The following HSDL1 variants were observed in gnomAD, a reference collection of about 807,000 sequenced individuals.
HSDL1 encodes the protein hydroxysteroid dehydrogenase like 1.
In HSDL1, 29 loss-of-function variants were observed where a neutral mutation model predicts 31.5. The ratio of observed to expected loss-of-function variants is 0.92; its 90% CI spans 0.69 to 1.26. The LOEUF is 1.26. Ranked by LOEUF, HSDL1 falls within the 50% of genes most tolerant of loss-of-function variation. The probability of loss-of-function intolerance (pLI) is 0.00; values close to 1 mark genes in which losing one functional copy is unlikely to be tolerated. For synonymous variants in HSDL1, 222 were observed against 155.2 expected, an observed-to-expected ratio of 1.43 and a Z score of -3.20; for missense variants, 503 against 416.6, an observed-to-expected ratio of 1.21 and a Z score of -1.81.
intron 5 of HSDL1, among the ~76,000 whole-genome samples, chr16:84,126,165 G>A (rs977155398): frequency 2.0e-5 from 3 of 151,648 alleles, no homozygotes; most frequent in East Asian, 1.9e-4. Flanking sequence ...ACAGACAGAC[G>A]CATACGTGGT....
chr16:84,138,842 T>G (rs932710775), intron 1 of HSDL1, among the ~76,000 whole-genome samples: 3 of 152,190 alleles, frequency 2.0e-5, no homozygotes, highest in Non-Finnish European at 4.4e-5. Flanking sequence ...GGGACAATTA[T>G]GGTCAAAACT....
chr16:84,142,499 G>T (rs547028677), intron 1 of HSDL1, among the ~76,000 whole-genome samples: 1 of 133,244 alleles, frequency 7.5e-6, no homozygotes, highest in Non-Finnish European at 1.5e-5. Context: ...GCAATGGCGC[G>T]ATCTTAGCTC....
chr16:84,139,671 T>C (rs2086747189), intron 1 of HSDL1, among the ~76,000 whole-genome samples: 1 of 152,186 alleles, frequency 6.6e-6, no homozygotes, highest in South Asian at 2.1e-4. Context: ...AAGGGATGGA[T>C]GAACAGTCAG....
chr16:84,124,696 G>A lies in HSDL1; in HGVS notation c.927C>T (p.Leu309=). The A allele has an allele frequency of 6.2e-7, 1 of 1,613,758 alleles. No homozygotes were observed. The highest frequency in any genetic ancestry group is 8.5e-7 in the Non-Finnish European group (1 of 1,179,670). ...FLFAQYMPEW[L]WVWGANILNR... is the part of the protein sequence containing the mutation. ...TGAGAATATTTGCTCCCCACACCCA[G>A]AGCCATTCAGGCATATACTGTGCAA... Residue 309 remains leucine (L), a synonymous_variant, in exon 6 of 6, where the codon CTC becomes CTT. Transcript: ENST00000219439.
intron 1 of HSDL1, among the ~76,000 whole-genome samples, chr16:84,141,789 T>G (rs1451369638): frequency 6.6e-6 from 1 of 152,234 alleles, no homozygotes; most frequent in East Asian, 1.9e-4. Flanking sequence ...TTTCTGTGTT[T>G]TGTAATCTAT....
At chr16:84,127,962 G>T (rs1448818911) in intron 5 of HSDL1, among the ~76,000 whole-genome samples, 1 of 149,198 alleles carries the variant, frequency 6.7e-6, no homozygotes, top group Non-Finnish European at 1.5e-5. Context: ...CTCGTGATCC[G>T]CCCGCCTTGG....
At position 84,129,743 on chromosome 16, in the gene HSDL1, T is replaced by C. The variant is rs370996550; in HGVS notation, c.699A>G (p.Gln233=). The C allele has an allele frequency of 9.3e-6, 15 of 1,614,064 alleles. No individual in the cohort carries two copies. Among genetic ancestry groups the C allele is most frequent in the Non-Finnish European group, 1.2e-5 (14 of 1,179,990 alleles). ...AGATTCCTTTAGAGGCATATTCATA[T>C]TGCAAGGCTCTGCTGAAGTGGTCTA... is the stretch of plus-strand genomic sequence containing the variant. ...AYLDHFSRAL[Q]YEYASKGIFV... Residue 233 remains glutamine (Q), a synonymous_variant, in exon 5 of 6, where the codon CAA becomes CAG. Coordinates refer to ENST00000219439, the MANE Select transcript of HSDL1 (RefSeq NM_031463.5).
intron 2 of HSDL1, among the ~76,000 whole-genome samples, chr16:84,134,718 G>A (rs1241383413): frequency 6.6e-6 from 1 of 152,146 alleles, no homozygotes; most frequent in Non-Finnish European, 1.5e-5. Context: ...GGTGCCTTTT[G>A]TCATAACTAA....
rs188996888 is a variant in HSDL1 at position 84,128,769 on chromosome 16, G to A, written c.894+779C>T. On this transcript the variant is annotated intron_variant, in intron 5 of 5. Transcript: ENST00000219439. ...GTCGCCTAGGCTGGAGTGCAGTAGCGTGATCTTGGCTCACTGCAACCTCCG... is the reference window on the plus strand; with the variant it reads ...GTCGCCTAGGCTGGAGTGCAGTAGCATGATCTTGGCTCACTGCAACCTCCG... Among the ~76,000 whole-genome samples the A allele has an allele frequency of 4.3e-3, 647 of 151,602 alleles. 4 individuals are homozygous for A. Among genetic ancestry groups the A allele is most frequent in the African/African-American group, 0.015 (610 of 41,304 alleles).
At chr16:84,126,216 G>C (rs932058121) in intron 5 of HSDL1, among the ~76,000 whole-genome samples, 1 of 152,084 alleles carries the variant, frequency 6.6e-6, no homozygotes, top group Non-Finnish European at 1.5e-5. Flanking sequence ...GGGTAGTATG[G>C]AACAAAGTTC....
intron 5 of HSDL1, among the ~76,000 whole-genome samples, chr16:84,127,312 T>A (rs952201485): frequency 2.7e-5 from 4 of 147,750 alleles, no homozygotes; most frequent in Non-Finnish European, 1.5e-5. Flanking sequence ...GCATCCTGGG[T>A]TCAAGCGATT....
rs1209089545 is a variant in HSDL1 at position 84,131,162 on chromosome 16, G to A, written c.160C>T (p.Pro54Ser). The change falls in exon 3 of 6, where the codon CCC (proline) becomes TCC (serine). Residue 54 changes from proline (P) to serine (S), a missense_variant. Transcript: ENST00000219439. ...FYSLIRLHFI[P>S]RLGSRADLIK... ...AAGTCTGCTCTGCTCCCCAGGCGGG[G>A]GATAAAATGCAGCCTGATCAGGCTG... is the stretch of plus-strand genomic sequence containing the variant. The A allele has an allele frequency of 6.2e-7, 1 of 1,614,156 alleles. No individual in the cohort carries two copies. Among genetic ancestry groups the A allele is most frequent in the Admixed American group, 1.7e-5 (1 of 60,032 alleles).
intron 2 of HSDL1, 135 bp from the exon 3 acceptor site, chr16:84,131,462 T>A (rs2086665044): frequency 1.6e-6 from 1 of 644,396 alleles, no homozygotes; most frequent in East Asian, 2.6e-5. Flanking sequence ...ACTTTTCAAA[T>A]GTACGTGGCT....
intron 1 of HSDL1, among the ~76,000 whole-genome samples, chr16:84,138,429 G>A (rs1041880230): frequency 1.3e-5 from 2 of 152,150 alleles, no homozygotes; most frequent in Non-Finnish European, 2.9e-5. Flanking sequence ...ATACCAAATT[G>A]TAGGCTTAAA....
rs776186248 is a variant in HSDL1, at chr16:84,130,150, C to T, written c.502G>A (p.Asp168Asn). 4.2e-5 allele frequency: 67 copies of T among 1,614,076 alleles called. No homozygotes were observed. In the Middle Eastern group the frequency reaches 4.9e-4, roughly 12 times the overall value. ...YPQYFTQLSE[D>N]KLWDIINVNI... Reference sequence around the variant, plus strand: ...ACATTTATGATGTCCCAGAGCTTGTCCTCGGACAGCTGAGTGAAATACTGC... The same window carrying T: ...ACATTTATGATGTCCCAGAGCTTGTTCTCGGACAGCTGAGTGAAATACTGC... The change falls in exon 4 of 6, where the codon GAC becomes AAC. Residue 168 changes from aspartate to asparagine, a missense_variant. Physicochemically the swap from Asp to Asn is conservative, Grantham distance 23. Coordinates refer to ENST00000219439, the MANE Select transcript of HSDL1 (RefSeq NM_031463.5).
Position 84,124,528 on chromosome 16 carries a change from A to T in HSDL1, c.*102T>A. 1 of 750,320 alleles carries T rather than the reference A, an allele frequency of 1.3e-6. No individual in the cohort carries two copies. The highest frequency in any genetic ancestry group is 2.4e-6 in the Non-Finnish European group (1 of 417,686). The allele number at this position is 750,320 out of a possible 1,614,324, so 46.5% of individuals were successfully genotyped here. A position where few individuals can be genotyped will look rare whatever the true frequency, so the allele number is the denominator to read the frequency against. Reference sequence around the variant, plus strand: ...TGACGAATCAACAGTATGCTGAATAATCAGCAATGAAACACAGGAGATAAA... The same window carrying T: ...TGACGAATCAACAGTATGCTGAATATTCAGCAATGAAACACAGGAGATAAA... On this transcript the variant is annotated 3_prime_UTR_variant, in exon 6 of 6. Coordinates refer to ENST00000219439, the MANE Select transcript of HSDL1 (RefSeq NM_031463.5).
chr16:84,125,034 C>T (rs898718045), intron 5 of HSDL1: 2 of 208,840 alleles, frequency 9.6e-6, no homozygotes, highest in Non-Finnish European at 1.9e-5. Context: ...CAAACAAATA[C>T]CCACCAATCA....
Position 84,130,244 on chromosome 16 carries a change from A to G in HSDL1, c.408T>C (p.Ile136=). The G allele has an allele frequency of 6.2e-7, 1 of 1,614,194 alleles. No homozygotes were observed. Among genetic ancestry groups the G allele is most frequent in the Non-Finnish European group, 8.5e-7 (1 of 1,180,040 alleles). Residue 136 remains isoleucine, a synonymous_variant, in exon 4 of 6, where the codon ATT becomes ATC. Coordinates refer to ENST00000219439, the MANE Select transcript of HSDL1 (RefSeq NM_031463.5). ...FSSGREIYLP[I]REALKDKDVG... is the part of the protein sequence containing the mutation. ...CGTCTTTGTCCTTCAGGGCTTCTCGAATTGGAAGGTAGATCTCACGACCGC... is the reference window on the plus strand; with the variant it reads ...CGTCTTTGTCCTTCAGGGCTTCTCGGATTGGAAGGTAGATCTCACGACCGC...
rs1215814444 is a variant in HSDL1 at position 84,122,621 on chromosome 16, G to A, written c.*2009C>T. 2.6e-5 allele frequency: 4 copies of A among 152,140 alleles called. No homozygotes were observed. The highest frequency in any genetic ancestry group is 5.9e-5 in the Non-Finnish European group (4 of 68,056). The allele number at this position is 152,140 out of a possible 1,614,324, so 9.4% of individuals were successfully genotyped here. Reference sequence around the variant, plus strand: ...CCTGCCCTGGCCTTCCAAACTGCTGGGATTACAGGTGTGAGCCACCGCACT... The same window carrying A: ...CCTGCCCTGGCCTTCCAAACTGCTGAGATTACAGGTGTGAGCCACCGCACT... On this transcript the variant is annotated 3_prime_UTR_variant, in exon 6 of 6. Coordinates refer to ENST00000219439, the MANE Select transcript of HSDL1 (RefSeq NM_031463.5).
Sources: gnomAD v4.1 joint callset for allele counts (sites outside exome capture counted in the v4.1 genomes callset) on GRCh38, gnomAD v4.1.1 for gene constraint, MANE v1.5 for transcripts, NCBI Gene and HGNC (gene_info 2026-07-23, HGNC 2026-07-21) for gene names.